GIGYF2: variants seen among roughly 807,000 people sequenced by gnomAD.
GIGYF2 encodes GRB10 interacting GYF protein 2, also known as GRB10-interacting GYF protein 2.
In GIGYF2, 25 loss-of-function variants were observed where a neutral mutation model predicts 208.1. The ratio of observed to expected loss-of-function variants is 0.12; its 90% CI spans 0.09 to 0.17. GIGYF2 has a LOEUF of 0.17. Among genes scored for constraint, GIGYF2 ranks in the 10% least tolerant of loss-of-function variants. GIGYF2 has a pLI of 1.00. For synonymous variants in GIGYF2, 534 were observed against 543.8 expected, an observed-to-expected ratio of 0.98 and a Z score of 0.25; for missense variants, 1,302 against 1,579.4, an observed-to-expected ratio of 0.82 and a Z score of 2.98.
chr2:232,836,263 C>CTCTCTCTCTCTCTCTCTCTCT (rs1701588243), intron 22 of GIGYF2, among the ~76,000 whole-genome samples: 11 of 38,632 alleles, frequency 2.8e-4, no homozygotes, highest in African/African-American at 1.0e-3. Flanking sequence ...CCCATCTCTA[C>CTCTCTCTCTCTCTCTCTCTCT]ATATATATAT....
At chr2:232,716,207 C>T (rs1696669391) in intron 2 of GIGYF2, among the ~76,000 whole-genome samples, 1 of 151,832 alleles carries the variant, frequency 6.6e-6, no homozygotes, top group African/African-American at 2.4e-5. Context: ...TTGGACTTTT[C>T]CTTTTCATCT....
rs754128491 is a variant in GIGYF2 at position 232,832,881 on chromosome 2, C to T, written c.2554C>T (p.Arg852Trp). 3.9e-6 allele frequency: 6 copies of T among 1,556,634 alleles called. No homozygotes were observed. The highest frequency in any genetic ancestry group is 2.4e-5 in the East Asian group (1 of 41,280). ...GGAAGAGGAGGCTGCAAAATGGGCC[C>T]GGGAAGAAGAAGAAGCCCAGCGTCG... is the stretch of plus-strand genomic sequence containing the variant. ...KQEEEAAKWAREEEEAQRRLE... is the reference protein window; with the variant it reads ...KQEEEAAKWAWEEEEAQRRLE... Residue 852 changes from arginine to tryptophan, a missense_variant, in exon 22 of 29, where the codon CGG becomes TGG. Transcript: ENST00000373563.
At chr2:232,742,198 C>T (rs1319740146) in intron 3 of GIGYF2, among the ~76,000 whole-genome samples, 1 of 152,136 alleles carries the variant, frequency 6.6e-6, no homozygotes, top group Non-Finnish European at 1.5e-5. Flanking sequence ...TTGGAGGCAG[C>T]CCTTCTGTTA....
intron 8 of GIGYF2, among the ~76,000 whole-genome samples, chr2:232,780,364 A>G (rs1699672583): frequency 6.6e-6 from 1 of 152,254 alleles, no homozygotes; most frequent in East Asian, 1.9e-4. Context: ...TATATGTAGT[A>G]CGTATGTATT....
intron 2 of GIGYF2, chr2:232,705,304 A>G (rs2106245881): frequency 6.6e-6 from 1 of 152,382 alleles, no homozygotes; most frequent in African/African-American, 2.4e-5. Context: ...TCAGTGAGAC[A>G]GTATAAACTT....
At chr2:232,731,064 T>A (rs1485234782) in intron 2 of GIGYF2, 1 of 152,176 alleles carries the variant, frequency 6.6e-6, no homozygotes, top group Admixed American at 6.5e-5. Context: ...CAAAGATTTA[T>A]AGGTGCAATG....
chr2:232,850,080 T>C (rs778270928), intron 27 of GIGYF2, among the ~76,000 whole-genome samples, 182 bp from the exon 28 acceptor site: 2 of 152,198 alleles, frequency 1.3e-5, no homozygotes, highest in Non-Finnish European at 2.9e-5. Flanking sequence ...TTGGTCTAAA[T>C]AGAGGAAAAT....
Position 232,753,650 on chromosome 2 carries a change from T to C in GIGYF2, c.268-2573T>C, listed in dbSNP as rs187676235. On this transcript the variant is annotated intron_variant, in intron 5 of 28. Transcript: ENST00000373563. ...TGTTCTAAGCACTTAACATTTAATG[T>C]GTTGCGTGCTTGCAGTCACCCGTGA... Among the ~76,000 whole-genome samples, 782 of 152,300 alleles carry C rather than the reference T, an allele frequency of 5.1e-3. 4 individuals carry two copies. The highest frequency in any genetic ancestry group is 0.018 in the African/African-American group (757 of 41,578).
intron 3 of GIGYF2, among the ~76,000 whole-genome samples, chr2:232,746,768 C>T (rs1393377816): frequency 6.6e-6 from 1 of 151,992 alleles, no homozygotes; most frequent in Non-Finnish European, 1.5e-5. Flanking sequence ...CTACACTGAC[C>T]ATTAATTGCT....
chr2:232,776,723 A>T (rs988520080), intron 8 of GIGYF2: 1 of 447,624 alleles, frequency 2.2e-6, no homozygotes, highest in Non-Finnish European at 4.0e-6. Flanking sequence ...ACCCAACACA[A>T]ACCTTAACAA....
intron 3 of GIGYF2, among the ~76,000 whole-genome samples, chr2:232,743,667 C>G (rs1481166595): frequency 6.6e-6 from 1 of 152,068 alleles, no homozygotes; most frequent in Non-Finnish European, 1.5e-5. Flanking sequence ...TATGTTTTAG[C>G]TTTTCTAAGT....
At position 232,844,536 on chromosome 2, in the gene GIGYF2, GAATTCA is replaced by G; in HGVS notation, c.3269_3274del (p.Asn1090_Ser1091del). On this transcript the variant is annotated inframe_deletion, in exon 25 of 29. Transcript: ENST00000373563. ...ATGCAGTGAAAGAGGTGGGACCTAGGAATTCAACAAATAAAAATAAAAACAACGCCA... is the reference window on the plus strand; with the variant it reads ...ATGCAGTGAAAGAGGTGGGACCTAGGACAAATAAAAATAAAAACAACGCCA... 6.2e-7 allele frequency: 1 copy of G among 1,612,212 alleles called. No homozygotes were observed. The highest frequency in any genetic ancestry group is 2.2e-5 in the East Asian group (1 of 44,778).
chr2:232,814,825 A>G (rs2106389480), intron 18 of GIGYF2, among the ~76,000 whole-genome samples: 1 of 152,322 alleles, frequency 6.6e-6, no homozygotes, highest in African/African-American at 2.4e-5. Context: ...GTTTATATGC[A>G]GTCAAGTTCC....
intron 2 of GIGYF2, among the ~76,000 whole-genome samples, chr2:232,726,970 C>G (rs907362180): frequency 6.6e-6 from 1 of 151,282 alleles, no homozygotes; most frequent in African/African-American, 2.4e-5. Flanking sequence ...ACACAGCTTG[C>G]TTTTTTTTTG....
intron 3 of GIGYF2, among the ~76,000 whole-genome samples, chr2:232,744,462 A>C (rs1007662752): frequency 3.9e-5 from 6 of 152,152 alleles, no homozygotes; most frequent in Non-Finnish European, 8.8e-5. Flanking sequence ...AAATATATGT[A>C]TATTTTAAAC....
Position 232,768,194 on chromosome 2 carries a change from T to C in GIGYF2, c.532+6758T>C, listed in dbSNP as rs1341560373. 5.6e-6 allele frequency: 9 copies of C among 1,613,936 alleles called. No individual in the cohort carries two copies. In the East Asian group the frequency reaches 6.7e-5, roughly 12 times the overall value. On this transcript the variant is annotated intron_variant, in intron 8 of 28. Coordinates refer to ENST00000373563, the MANE Select transcript of GIGYF2 (RefSeq NM_001103146.3). ...TACATTAAAAAATGGATAAGTCTTATTCTGTCAGTCCTGTTTCAGAGATCT... is the reference window on the plus strand; with the variant it reads ...TACATTAAAAAATGGATAAGTCTTACTCTGTCAGTCCTGTTTCAGAGATCT...
chr2:232,829,159 G>A (rs1490885809), intron 21 of GIGYF2, among the ~76,000 whole-genome samples: 2 of 152,112 alleles, frequency 1.3e-5, no homozygotes, highest in Non-Finnish European at 2.9e-5. Context: ...TTAAATGTTA[G>A]TATTTGCTCT....
chr2:232,836,292 AT>A lies in GIGYF2; in HGVS notation c.2766+3200del, dbSNP rs1559160360. Among the ~76,000 whole-genome samples, 6 of 9,884 alleles carry A rather than the reference AT, an allele frequency of 6.1e-4. 1 individual carries two copies. Among genetic ancestry groups the A allele is most frequent in the Non-Finnish European group, 1.2e-3 (4 of 3,388 alleles). The allele number at this position is 9,884 out of a possible 152,430, so 6.5% of individuals were successfully genotyped here. A position where few individuals can be genotyped will look rare whatever the true frequency, so the allele number is the denominator to read the frequency against. On this transcript the variant is annotated intron_variant, in intron 22 of 28. Coordinates refer to ENST00000373563, the MANE Select transcript of GIGYF2 (RefSeq NM_001103146.3). The stretch of plus-strand genomic sequence containing the variant: ...TATATATATATATATATATATATAT[AT>A]ATATATATATATATATATATATATA...
rs957117106 is a variant in GIGYF2, at chr2:232,776,717, A to G, written c.533-10433A>G. ...TTTGTTAGGAGGTCTTTCTTTACCC[A>G]ACACAAACCTTAACAACTCTGGAGA... On this transcript the variant is annotated intron_variant, in intron 8 of 28. Transcript: ENST00000373563. The G allele has an allele frequency of 2.7e-5, 13 of 474,320 alleles. No individual in the cohort carries two copies. In the Admixed American group the frequency reaches 4.7e-4, roughly 17 times the overall value. The allele number at this position is 474,320 out of a possible 1,614,324, so 29.4% of individuals were successfully genotyped here.
Sources: gnomAD v4.1 joint callset for allele counts (sites outside exome capture counted in the v4.1 genomes callset) on GRCh38, gnomAD v4.1.1 for gene constraint, MANE v1.5 for transcripts, NCBI Gene and HGNC (gene_info 2026-07-23, HGNC 2026-07-21) for gene names.